Variants in XIAP observed in about 807,000 individuals in gnomAD.
The protein encoded by XIAP is X-linked inhibitor of apoptosis, also known as E3 ubiquitin-protein ligase XIAP.
In XIAP, 3 loss-of-function variants were observed where a neutral mutation model predicts 33.1. That is an observed-to-expected ratio of 0.09 (90% confidence interval 0.04 to 0.23). The LOEUF (loss-of-function observed/expected upper bound fraction) is 0.23. Among genes scored for constraint, XIAP ranks in the 10% least tolerant of loss-of-function variants. The pLI is 1.00. For missense variants in XIAP, 264 were observed against 363.0 expected, an observed-to-expected ratio of 0.73 and a Z score of 2.22; for synonymous variants, 98 against 121.3, an observed-to-expected ratio of 0.81 and a Z score of 1.26.
chrX:123,890,882 A>C (rs761662613), intron 3 of XIAP, among the ~76,000 whole-genome samples: 12 of 106,590 alleles, frequency 1.1e-4, no homozygotes, highest in East Asian at 8.9e-4. Flanking sequence ...CTAATGTTGC[A>C]GTAAGCCAAG....
chrX:123,862,164 G>A (rs745900031), intron 1 of XIAP, among the ~76,000 whole-genome samples: 1 of 108,642 alleles, frequency 9.2e-6, no homozygotes, highest in East Asian at 2.9e-4. Context: ...TGCAGCCTCC[G>A]CCTCCTGGGT....
At chrX:123,866,642 A>C (rs2053141561) in intron 1 of XIAP, among the ~76,000 whole-genome samples, 1 of 103,470 alleles carries the variant, frequency 9.7e-6, no homozygotes, top group African/African-American at 3.5e-5. Flanking sequence ...AATATATATA[A>C]TATATAACAC....
intron 1 of XIAP, among the ~76,000 whole-genome samples, chrX:123,862,315 C>T (rs1247881902): frequency 4.6e-5 from 5 of 108,669 alleles, no homozygotes; most frequent in East Asian, 2.9e-4. Flanking sequence ...GTGATGCACC[C>T]GCCTCGGCCT....
intron 1 of XIAP, among the ~76,000 whole-genome samples, chrX:123,874,165 T>C (rs926221710): frequency 8.9e-6 from 1 of 111,876 alleles, no homozygotes; most frequent in South Asian, 3.7e-4. Flanking sequence ...CATTGTCACA[T>C]GGCAAATAAC....
chrX:123,903,904 G>C (rs1328442954), intron 6 of XIAP, among the ~76,000 whole-genome samples: 1 of 108,815 alleles, frequency 9.2e-6, no homozygotes, highest in Non-Finnish European at 1.9e-5. Context: ...AATGAGCTGT[G>C]ATTGCACCAC....
intron 3 of XIAP, among the ~76,000 whole-genome samples, chrX:123,889,997 ATTTTTTTTTTTTTTTTTTTTTT>A (rs771503633): frequency 1.5e-4 from 5 of 33,048 alleles, no homozygotes; most frequent in Admixed American, 5.2e-4. Context: ...AGTTGTTCAC[ATTTTTTTTTTTTTTTTTTTTTT>A]TTTTTTTTTT....
At chrX:123,864,884 A>G (rs1481417922) in intron 1 of XIAP, among the ~76,000 whole-genome samples, 1 of 104,056 alleles carries the variant, frequency 9.6e-6, no homozygotes, top group African/African-American at 3.6e-5. Context: ...GGGTTTCACC[A>G]TGTTAGCCAG....
intron 2 of XIAP, 83 bp from the exon 3 acceptor site, chrX:123,888,536 T>A (rs2053374749): frequency 2.4e-6 from 2 of 832,108 alleles, no homozygotes; most frequent in East Asian, 6.3e-5. Flanking sequence ...TTTTTAGATG[T>A]GCTTAATTTT....
chrX:123,896,065 T>TTTTTA (rs57263049), intron 5 of XIAP, among the ~76,000 whole-genome samples: 19,831 of 103,475 alleles, frequency 0.19, 1,456 homozygotes, highest in South Asian at 0.38. Context: ...CCCGACCCAT[T>TTTTTA]TTTTATTTTT....
intron 1 of XIAP, among the ~76,000 whole-genome samples, chrX:123,875,316 C>T (rs1224717290): frequency 1.8e-5 from 2 of 110,890 alleles, no homozygotes; most frequent in African/African-American, 3.3e-5. Flanking sequence ...CCACCGCGCC[C>T]GGCCTGATCA....
At chrX:123,868,838 T>C (rs1034468108) in intron 1 of XIAP, among the ~76,000 whole-genome samples, 4 of 112,415 alleles carry the variant, frequency 3.6e-5, no homozygotes, top group South Asian at 3.6e-4. Flanking sequence ...AACATACTTA[T>C]GTCCATTTTG....
intron 1 of XIAP, among the ~76,000 whole-genome samples, chrX:123,867,727 G>A (rs781265540): frequency 1.1e-4 from 11 of 96,728 alleles, no homozygotes; most frequent in African/African-American, 3.9e-4. Flanking sequence ...AGGCTGGAGC[G>A]CATTGGTGCA....
At position 123,909,764 on chromosome X, in the gene XIAP, G is replaced by A. The variant is rs891172120; in HGVS notation, c.*2583G>A. The A allele has an allele frequency of 6.1e-6, 2 of 327,831 alleles. No individual in the cohort carries two copies. The highest frequency in any genetic ancestry group is 2.7e-5 in the African/African-American group (1 of 37,627). The allele number at this position is 327,831 out of a possible 1,213,427, so 27.0% of individuals were successfully genotyped here. A position where few individuals can be genotyped will look rare whatever the true frequency, so the allele number is the denominator to read the frequency against. ...TGCACAACGCTGATGTGGCTAACAA[G>A]TTTATTTTAAGAATTGTTTAGAAAT... On this transcript the variant is annotated 3_prime_UTR_variant, in exon 7 of 7. Coordinates refer to ENST00000371199, the MANE Select transcript of XIAP (RefSeq NM_001167.4).
chrX:123,862,928 A>C (rs2053095324), intron 1 of XIAP, among the ~76,000 whole-genome samples: 1 of 108,925 alleles, frequency 9.2e-6, no homozygotes, highest in Non-Finnish European at 1.9e-5. Context: ...TCTCTAATAA[A>C]AATACAAAAA....
intron 1 of XIAP, among the ~76,000 whole-genome samples, chrX:123,860,879 AGGAAC>A (rs1055671395): frequency 2.7e-5 from 3 of 111,744 alleles, no homozygotes; most frequent in African/African-American, 9.8e-5. Flanking sequence ...CCTTCGAAAA[AGGAAC>A]AACGTCAATC....
intron 5 of XIAP, among the ~76,000 whole-genome samples, chrX:123,894,805 G>T (rs759423935): frequency 9.2e-6 from 1 of 108,886 alleles, no homozygotes; most frequent in Non-Finnish European, 1.9e-5. Flanking sequence ...TTACCAGGGC[G>T]TGGTGGCACA....
intron 1 of XIAP, among the ~76,000 whole-genome samples, chrX:123,873,181 C>A (rs1439028684): frequency 9.2e-6 from 1 of 109,267 alleles, no homozygotes; most frequent in Non-Finnish European, 1.9e-5. Flanking sequence ...TACAGGCATG[C>A]GCCAGCACGC....
chrX:123,886,586 G>C (rs1485999702), intron 2 of XIAP, 47 bp downstream of exon 2: 1 of 1,185,458 alleles, frequency 8.4e-7, no homozygotes, highest in Non-Finnish European at 1.1e-6. Flanking sequence ...AGTATGCCAG[G>C]GCTCATAAAA....
At chrX:123,866,515 CAT>C (rs1268717285) in intron 1 of XIAP, among the ~76,000 whole-genome samples, 2 of 61,975 alleles carry the variant, frequency 3.2e-5, no homozygotes, top group South Asian at 6.3e-4. Context: ...TATGATATAT[CAT>C]ATATAATATC....
Sources: allele counts gnomAD v4.1 joint callset (sites outside exome capture counted in the v4.1 genomes callset), GRCh38; gene constraint gnomAD v4.1.1; transcripts MANE v1.5; gene names NCBI Gene and HGNC (gene_info 2026-07-23, HGNC 2026-07-21).